Variants in SLC5A1 observed in about 807,000 individuals in gnomAD.
SLC5A1 encodes solute carrier family 5 member 1.
SLC5A1 carries 42 observed loss-of-function variants against 73.5 expected under a neutral mutation model. That is an observed-to-expected ratio of 0.57 (90% CI 0.45 to 0.74). SLC5A1 has a LOEUF of 0.74. SLC5A1 is among the 30% of genes least tolerant of loss of function. The probability of loss-of-function intolerance (pLI) is 0.00; values close to 1 mark genes in which losing one functional copy is unlikely to be tolerated. For missense variants in SLC5A1, 634 were observed against 855.4 expected (o/e 0.74, Z 3.23); for synonymous variants, 300 against 317.4 (o/e 0.95, Z 0.58).
intron 2 of SLC5A1, among the ~76,000 whole-genome samples, chr22:32,061,282 G>A (rs1455875992): frequency 6.6e-6 from 1 of 152,140 alleles, no homozygotes; most frequent in Non-Finnish European, 1.5e-5. Flanking sequence ...GGGCATGCTG[G>A]CATGCAGCTG....
chr22:32,084,122 G>T (rs1196889998), intron 7 of SLC5A1, among the ~76,000 whole-genome samples: 1 of 152,238 alleles, frequency 6.6e-6, no homozygotes, highest in Non-Finnish European at 1.5e-5. Context: ...GTCTTTGTAT[G>T]TGGTCCCAAA....
chr22:32,086,112 G>C, intron 9 of SLC5A1, 108 bp from the exon 10 acceptor site: 1 of 746,692 alleles, frequency 1.3e-6, no homozygotes, highest in Non-Finnish European at 2.4e-6. Flanking sequence ...CTGCACTCCA[G>C]CCTGGGCTAC....
chr22:32,086,745 G>C (rs2094009025), intron 10 of SLC5A1, among the ~76,000 whole-genome samples: 1 of 152,028 alleles, frequency 6.6e-6, no homozygotes, highest in Non-Finnish European at 1.5e-5. Flanking sequence ...CCATGACTGG[G>C]CATATAGCCA....
intron 2 of SLC5A1, among the ~76,000 whole-genome samples, chr22:32,052,163 T>C (rs1215209191): frequency 6.6e-6 from 1 of 152,216 alleles, no homozygotes; most frequent in African/African-American, 2.4e-5. Flanking sequence ...ATCTTCTGGT[T>C]ATTCAGGTCT....
In SLC5A1 at chr22:32,110,105, G is replaced by A. The variant is rs1323644344; in HGVS notation, c.1887G>A (p.Lys629=). ...KMTEEEEKAM[K]MKMTDTSEKP... ...CTGAGGAAGAGGAGAAAGCCATGAA[G>A]ATGAAGATGACGGACACCTCTGAGA... The change falls in exon 15 of 15, where the codon AAG becomes AAA. Residue 629 remains lysine, a synonymous_variant. Coordinates refer to ENST00000266088, the MANE Select transcript of SLC5A1 (RefSeq NM_000343.4). 2 of 1,614,142 alleles carry A rather than the reference G, an allele frequency of 1.2e-6. No homozygotes were observed. Among genetic ancestry groups the A allele is most frequent in the Admixed American group, 3.3e-5 (2 of 60,016 alleles).
chr22:32,075,296 G>A (rs2093989125), intron 5 of SLC5A1, among the ~76,000 whole-genome samples: 1 of 152,032 alleles, frequency 6.6e-6, no homozygotes, highest in South Asian at 2.1e-4. Context: ...TACACAGCTA[G>A]TACGTGGCAA....
rs747215838 is a variant in SLC5A1, at chr22:32,091,618, G to A, written c.1136G>A (p.Arg379Gln). 1.7e-5 allele frequency: 27 copies of A among 1,613,952 alleles called. No individual in the cohort carries two copies. The highest frequency in any genetic ancestry group is 2.2e-5 in the Non-Finnish European group (26 of 1,179,970). Residue 379 changes from arginine (R) to glutamine (Q), a missense_variant, in exon 11 of 15, where the codon CGA (arginine) becomes CAA (glutamine). By Grantham distance (43) the Arg-to-Gln change is conservative (BLOSUM62 1). Coordinates refer to ENST00000266088, the MANE Select transcript of SLC5A1 (RefSeq NM_000343.4). Reference protein sequence around the residue: ...LVVELMPNGLRGLMLSVMLAS... With the variant: ...LVVELMPNGLQGLMLSVMLAS... ...AAAAATCCTTCTCTTCCAGGACTGCGAGGCCTGATGCTATCAGTCATGCTG... is the reference window on the plus strand; with the variant it reads ...AAAAATCCTTCTCTTCCAGGACTGCAAGGCCTGATGCTATCAGTCATGCTG...
chr22:32,060,830 A>G (rs2093961348), intron 2 of SLC5A1, among the ~76,000 whole-genome samples: 1 of 152,042 alleles, frequency 6.6e-6, no homozygotes, highest in Non-Finnish European at 1.5e-5. Flanking sequence ...TCAACCTCCC[A>G]AAGTATTGGT....
chr22:32,106,507 T>C (rs986338383), intron 14 of SLC5A1, among the ~76,000 whole-genome samples: 5 of 152,046 alleles, frequency 3.3e-5, no homozygotes, highest in Non-Finnish European at 7.4e-5. Flanking sequence ...AAGAGAAGAG[T>C]TGGAGCTCTT....
intron 13 of SLC5A1, among the ~76,000 whole-genome samples, chr22:32,103,387 A>G (rs187232131): frequency 1.8e-4 from 28 of 152,360 alleles, no homozygotes; most frequent in African/African-American, 6.3e-4. Context: ...TCACATTCAC[A>G]TGACTTGCCA....
At chr22:32,056,294 G>A (rs1486870945) in intron 2 of SLC5A1, among the ~76,000 whole-genome samples, 2 of 152,070 alleles carry the variant, frequency 1.3e-5, no homozygotes, top group Non-Finnish European at 2.9e-5. Flanking sequence ...GTGCTGGGAC[G>A]ATAGGTGTGA....
intron 2 of SLC5A1, among the ~76,000 whole-genome samples, chr22:32,064,991 T>G (rs535746534): frequency 7.2e-5 from 11 of 152,350 alleles, no homozygotes; most frequent in African/African-American, 2.2e-4. Flanking sequence ...TCACTTCAGC[T>G]GGAGTGCAGT....
At chr22:32,088,759 C>T (rs1390111235) in intron 10 of SLC5A1, among the ~76,000 whole-genome samples, 1 of 152,192 alleles carries the variant, frequency 6.6e-6, no homozygotes, top group Non-Finnish European at 1.5e-5. Context: ...GAGTTGTTCT[C>T]TTCTCTTGGA....
intron 5 of SLC5A1, among the ~76,000 whole-genome samples, chr22:32,070,084 T>TGGAGCTGTAGGTCCACCTTGC (rs1246204932): frequency 2.0e-5 from 3 of 152,016 alleles, no homozygotes; most frequent in African/African-American, 7.2e-5. Context: ...CTTGCCAACC[T>TGGAGCTGTAGGTCCACCTTGC]GGAGCTGTAG....
intron 5 of SLC5A1, among the ~76,000 whole-genome samples, chr22:32,074,830 A>G (rs1290481367): frequency 6.6e-6 from 1 of 152,120 alleles, no homozygotes; most frequent in Non-Finnish European, 1.5e-5. Flanking sequence ...TTTAGTCTCC[A>G]ACAGGGGTTT....
intron 5 of SLC5A1, among the ~76,000 whole-genome samples, chr22:32,080,445 G>A (rs1341382419): frequency 6.6e-6 from 1 of 152,188 alleles, no homozygotes; most frequent in East Asian, 1.9e-4. Context: ...GGACAGGCAG[G>A]TATGGTGGGA....
At position 32,086,334 on chromosome 22, in the gene SLC5A1, T is replaced by G. The variant is rs5998233; in HGVS notation, c.1129+7T>G. ...GTGGAGCTCATGCCCAATGGTGAGA[T>G]TCTTTCTTGGGAGGTTGGTAGAGTC... On this transcript the variant is annotated splice_region_variant and intron_variant, in intron 10 of 14. Transcript: ENST00000266088. 0.39 allele frequency: 621,216 copies of G among 1,588,556 alleles called. 131,733 individuals carry two copies. Among genetic ancestry groups the G allele is most frequent in the African/African-American group, 0.83 (61,473 of 74,448 alleles).
intron 13 of SLC5A1, among the ~76,000 whole-genome samples, chr22:32,103,415 G>C (rs1413734172): frequency 6.6e-6 from 1 of 152,212 alleles, no homozygotes; most frequent in East Asian, 1.9e-4. Context: ...CACGTGGAAG[G>C]ATACATGCCA....
In SLC5A1 at chr22:32,081,874, C is replaced by A. The variant is rs769578731; in HGVS notation, c.486C>A (p.Ile162=). Reference sequence around the variant, plus strand: ...CTCTCCTCTCCTTCCAGGCAGACATCTTCTCGGGGGCCATATTCATCAATC... The same window carrying A: ...CTCTCCTCTCCTTCCAGGCAGACATATTCTCGGGGGCCATATTCATCAATC... ...LYIFTKISAD[I]FSGAIFINLA... is the part of the protein sequence containing the mutation. Residue 162 remains isoleucine, a synonymous_variant, in exon 6 of 15, where the codon ATC becomes ATA. Transcript: ENST00000266088. The A allele has an allele frequency of 6.2e-7, 1 of 1,612,270 alleles. No individual in the cohort carries two copies. The highest frequency in any genetic ancestry group is 8.5e-7 in the Non-Finnish European group (1 of 1,178,762).
Sources: gnomAD v4.1 joint callset for allele counts (sites outside exome capture counted in the v4.1 genomes callset) on GRCh38, gnomAD v4.1.1 for gene constraint, MANE v1.5 for transcripts, NCBI Gene and HGNC (gene_info 2026-07-23, HGNC 2026-07-21) for gene names.